Variants in PIEZO1 observed in about 807,000 individuals in gnomAD.
PIEZO1 encodes the protein piezo type mechanosensitive ion channel component 1 (Er blood group).
A neutral mutation model predicts 297.2 loss-of-function variants in PIEZO1; 296 were observed. The ratio of observed to expected loss-of-function variants is 1.00; its 90% confidence interval spans 0.91 to 1.10. The LOEUF is 1.10. Among genes scored for constraint, PIEZO1 ranks in the 50% least tolerant of loss-of-function variants. PIEZO1 has a pLI of 0.00. For synonymous variants in PIEZO1, 2,427 were observed against 1,507.5 expected (o/e 1.61, Z -14.13); for missense variants, 5,018 against 3,455.5 (o/e 1.45, Z -11.34).
intron 1 of PIEZO1, among the ~76,000 whole-genome samples, chr16:88,779,105 G>A (rs946527352): frequency 1.1e-4 from 17 of 149,304 alleles, no homozygotes; most frequent in Non-Finnish European, 2.1e-4. Context: ...GCAGTGGCAC[G>A]ACTGTGGCTC....
Position 88,720,255 on chromosome 16 carries a change from G to C in PIEZO1, c.5978C>G (p.Ser1993Cys). The C allele has an allele frequency of 6.4e-7, 1 of 1,550,530 alleles. No homozygotes were observed. The highest frequency in any genetic ancestry group is 2.4e-5 in the East Asian group (1 of 40,924). The change falls in exon 42 of 51, where the codon TCC (serine) becomes TGC (cysteine). Residue 1993 changes from serine to cysteine, a missense_variant. Transcript: ENST00000301015. ...GGGTACCTGGTCGTCTGATAGGGAGGACGTGATGTCTGTGGCCGCCGAGTG... is the reference window on the plus strand; with the variant it reads ...GGGTACCTGGTCGTCTGATAGGGAGCACGTGATGTCTGTGGCCGCCGAGTG... ...GKHSAATDIT[S>C]SLSDDQVPEA...
intron 2 of PIEZO1, among the ~76,000 whole-genome samples, chr16:88,748,077 C>T (rs1906157631): frequency 1.3e-5 from 2 of 152,346 alleles, no homozygotes; most frequent in Admixed American, 6.5e-5. Context: ...TCCACAGTCA[C>T]GCCCCCTGGT....
intron 1 of PIEZO1, among the ~76,000 whole-genome samples, chr16:88,752,704 A>G (rs1018320688): frequency 2.6e-5 from 4 of 152,040 alleles, no homozygotes; most frequent in African/African-American, 4.8e-5. Context: ...TGAGGGGCAG[A>G]GTGGACTCAA....
rs910864671 is a variant in PIEZO1, at chr16:88,734,956, G to A, written c.1767C>T (p.Ile589=). The part of the protein sequence containing the change: ...YWIYVCAGMF[I]VVSFAGRLVV... ...CGAGGCGGCCGGCGAAGCTGACCACGATGAACATGCCAGCACACACATAGA... is the reference window on the plus strand; with the variant it reads ...CGAGGCGGCCGGCGAAGCTGACCACAATGAACATGCCAGCACACACATAGA... Residue 589 remains isoleucine, a synonymous_variant, in exon 14 of 51, where the codon ATC becomes ATT. Transcript: ENST00000301015. 1.5e-5 allele frequency: 23 copies of A among 1,550,396 alleles called. No individual in the cohort carries two copies. The highest frequency in any genetic ancestry group is 6.8e-5 in the African/African-American group (5 of 73,070).
In PIEZO1 at chr16:88,721,913, G is replaced by A; in HGVS notation, c.5109C>T (p.Ala1703=). 6.5e-7 allele frequency: 1 copy of A among 1,550,208 alleles called. No individual in the cohort carries two copies. The change falls in exon 37 of 51, where the codon GCC becomes GCT. Residue 1703 remains alanine (A), a synonymous_variant. Coordinates refer to ENST00000301015, the MANE Select transcript of PIEZO1 (RefSeq NM_001142864.4). ...FIIILNHMVT[A]SAGSLVLPVL... ...CGGGCAGCACCAGCGAGCCGGCGGA[G>A]GCCGTGACCATGTGGTTGAGGATGA...
intron 27 of PIEZO1, 46 bp downstream of exon 27, chr16:88,726,238 C>A (rs1194515577): frequency 1.3e-6 from 2 of 1,492,404 alleles, no homozygotes; most frequent in African/African-American, 2.8e-5. Context: ...TGCCCCCTCC[C>A]AGCCCCAAGA....
rs937583352 is a variant in PIEZO1 at position 88,721,933 on chromosome 16, G to C, written c.5089C>G (p.Leu1697Val). 14 of 1,550,192 alleles carry C rather than the reference G, an allele frequency of 9.0e-6. No homozygotes were observed. In the African/African-American group the frequency reaches 1.8e-4, roughly 20 times the overall value. Residue 1697 changes from leucine to valine, a missense_variant, in exon 37 of 51, where the codon CTC (leucine) becomes GTC (valine). Leu to Val is a conservative substitution (Grantham distance 32). Coordinates refer to ENST00000301015, the MANE Select transcript of PIEZO1 (RefSeq NM_001142864.4). Reference protein sequence around the residue: ...SELLCYFIIILNHMVTASAGS... With the variant: ...SELLCYFIIIVNHMVTASAGS... ...GCGGAGGCCGTGACCATGTGGTTGA[G>C]GATGATGATGAAGTAGCAGAGCAGC... is the stretch of plus-strand genomic sequence containing the variant.
At position 88,721,206 on chromosome 16, in the gene PIEZO1, C is replaced by T; in HGVS notation, c.5628G>A (p.Arg1876=). The T allele has an allele frequency of 3.3e-6, 5 of 1,526,022 alleles. No individual in the cohort carries two copies. Among genetic ancestry groups the T allele is most frequent in the Non-Finnish European group, 4.4e-6 (5 of 1,137,890 alleles). The allele number at this position is 1,526,022 out of a possible 1,614,324, so 94.5% of individuals were successfully genotyped here. A position where few individuals can be genotyped will look rare whatever the true frequency, so the allele number is the denominator to read the frequency against. The change falls in exon 39 of 51, where the codon AGG becomes AGA. Residue 1876 remains arginine, a synonymous_variant. Transcript: ENST00000301015. ...CTTTCCGTGCTGGGCCCTCCTTCTT[C>T]CTTCTTCTAAAACGTAGACTGATGC... ...TRRISLRFRR[R]KKEGPARKGA...
chr16:88,756,437 C>A (rs191659576), intron 1 of PIEZO1, among the ~76,000 whole-genome samples: 1 of 152,322 alleles, frequency 6.6e-6, no homozygotes, highest in Admixed American at 6.5e-5. Flanking sequence ...TCAGGAACCA[C>A]ACCCACCTGA....
chr16:88,738,802 C>G, intron 5 of PIEZO1, 66 bp from the exon 6 acceptor site: 1 of 1,412,540 alleles, frequency 7.1e-7, no homozygotes, highest in Non-Finnish European at 9.5e-7. Flanking sequence ...CCAGCCCACA[C>G]CTGCCCAGCC....
intron 1 of PIEZO1, among the ~76,000 whole-genome samples, chr16:88,750,172 A>C (rs1422191794): frequency 1.3e-5 from 2 of 151,032 alleles, no homozygotes. Flanking sequence ...CTGTCTTGAC[A>C]AAAAAATACA....
chr16:88,723,889 C>A lies in PIEZO1; in HGVS notation c.4317G>T (p.Ser1439=). The A allele has an allele frequency of 6.5e-7, 1 of 1,544,024 alleles. No individual in the cohort carries two copies. Among genetic ancestry groups the A allele is most frequent in the Non-Finnish European group, 8.8e-7 (1 of 1,141,098 alleles). The change falls in exon 31 of 51, where the codon TCG becomes TCT. Residue 1439 remains serine (S), a synonymous_variant. Transcript: ENST00000301015. ...ACCTCACCTGGAAGGCACTCTGTGC[C>A]GACGGCCTCGGGTCTTCAGGAACAG... ...EEAVPEDPRP[S]AQSAFQLAYQ... is the part of the protein sequence containing the mutation.
At chr16:88,731,534 A>G in intron 22 of PIEZO1, 172 bp downstream of exon 22, 1 of 592,654 alleles carries the variant, frequency 1.7e-6, no homozygotes, top group Non-Finnish European at 3.0e-6. Flanking sequence ...CCCCCGAGAG[A>G]CAGGATGCAG....
At chr16:88,773,500 T>C (rs1907520036) in intron 1 of PIEZO1, among the ~76,000 whole-genome samples, 1 of 152,042 alleles carries the variant, frequency 6.6e-6, no homozygotes, top group Non-Finnish European at 1.5e-5. Context: ...AGGGGAAGGG[T>C]GAAGACAGCA....
rs747516028 is a variant in PIEZO1, at chr16:88,726,275, C to G, written c.3968+9G>C. 1.3e-6 allele frequency: 2 copies of G among 1,544,406 alleles called. No homozygotes were observed. The highest frequency in any genetic ancestry group is 1.4e-5 in the African/African-American group (1 of 73,010). ...GGGAGCTCTGGGCTGTGTCTGGGCC[C>G]AAGCTTGCCTGGAGGCTAGCAGGGC... On this transcript the variant is annotated intron_variant, in intron 27 of 50. Coordinates refer to ENST00000301015, the MANE Select transcript of PIEZO1 (RefSeq NM_001142864.4).
At chr16:88,760,401 G>C (rs1372203966) in intron 1 of PIEZO1, among the ~76,000 whole-genome samples, 2 of 152,258 alleles carry the variant, frequency 1.3e-5, no homozygotes, top group Non-Finnish European at 2.9e-5. Context: ...AGAGAAAATG[G>C]ATTCTAGAAC....
rs1904471095 is a variant in PIEZO1, at chr16:88,726,752, T to C, written c.3662A>G (p.Tyr1221Cys). 3.9e-6 allele frequency: 6 copies of C among 1,549,862 alleles called. No homozygotes were observed. The African/African-American group carries it at 5.5e-5, about 14-fold the overall frequency. ...CTTGGAGATGATGACGGTGACGTTG[T>C]ACAGAATGAGGCAGTCCCACAGCAC... is the stretch of plus-strand genomic sequence containing the variant. ...RLVLWDCLIL[Y>C]NVTVIISKNM... The change falls in exon 25 of 51, where the codon TAC becomes TGC. Residue 1221 changes from tyrosine (Y) to cysteine (C), a missense_variant. Physicochemically the swap from Tyr to Cys is radical, Grantham distance 194. Coordinates refer to ENST00000301015, the MANE Select transcript of PIEZO1 (RefSeq NM_001142864.4).
Position 88,725,419 on chromosome 16 carries a change from G to A in PIEZO1, c.4159C>T (p.Pro1387Ser). Residue 1387 changes from proline (P) to serine (S), a missense_variant, in exon 29 of 51, where the codon CCA (proline) becomes TCA (serine). Coordinates refer to ENST00000301015, the MANE Select transcript of PIEZO1 (RefSeq NM_001142864.4). ...TLGPKDPGLE[P>S]GPDSPGGSSP... is the part of the protein sequence containing the mutation. ...GCCCGACTCCAGCTGCACTCACCTGGCTCCAGGCCGGGGTCCTTGGGGCCC... is the reference window on the plus strand; with the variant it reads ...GCCCGACTCCAGCTGCACTCACCTGACTCCAGGCCGGGGTCCTTGGGGCCC... 2 of 1,450,034 alleles carry A rather than the reference G, an allele frequency of 1.4e-6. No individual in the cohort carries two copies. Among genetic ancestry groups the A allele is most frequent in the Non-Finnish European group, 1.8e-6 (2 of 1,100,114 alleles). The allele number at this position is 1,450,034 out of a possible 1,614,324, so 89.8% of individuals were successfully genotyped here.
chr16:88,760,031 C>T (rs944397069), intron 1 of PIEZO1, among the ~76,000 whole-genome samples: 3 of 152,330 alleles, frequency 2.0e-5, no homozygotes, highest in Middle Eastern at 6.8e-3. Flanking sequence ...CGCCAATCCC[C>T]ACCTGCCCCT....
Sources: gnomAD v4.1 joint callset for allele counts (sites outside exome capture counted in the v4.1 genomes callset) on GRCh38, gnomAD v4.1.1 for gene constraint, MANE v1.5 for transcripts, NCBI Gene and HGNC (gene_info 2026-07-23, HGNC 2026-07-21) for gene names.